Variants in ACKR2 observed in about 807,000 individuals in gnomAD.
ACKR2 encodes C-C chemokine receptor D6.
For synonymous variants in ACKR2, 207 were observed against 192.2 expected (o/e 1.08, Z -0.64); for missense variants, 457 against 477.3 (o/e 0.96, Z 0.40).
intron 2 of ACKR2, among the ~76,000 whole-genome samples, chr3:42,851,826 T>A (rs919286655): frequency 1.3e-5 from 2 of 152,144 alleles, no homozygotes; most frequent in African/African-American, 4.8e-5. Context: ...TAAGGGCCTC[T>A]CTCCCAGGGC....
intron 2 of ACKR2, among the ~76,000 whole-genome samples, chr3:42,863,917 A>AG (rs2088407151): frequency 6.6e-6 from 1 of 151,990 alleles, no homozygotes; most frequent in African/African-American, 2.4e-5. Context: ...TAAATGACAG[A>AG]TTGATGGGTG....
chr3:42,826,911 T>G (rs1353409717), intron 2 of ACKR2, among the ~76,000 whole-genome samples: 1 of 152,164 alleles, frequency 6.6e-6, no homozygotes, highest in African/African-American at 2.4e-5. Context: ...GTTTGGTACA[T>G]TTTATTTTTG....
chr3:42,832,796 C>T (rs951034449), intron 2 of ACKR2, among the ~76,000 whole-genome samples: 5 of 152,078 alleles, frequency 3.3e-5, no homozygotes, highest in Non-Finnish European at 5.9e-5. Context: ...TAGGCTCAAG[C>T]GATTCTCCCA....
At chr3:42,810,069 C>A (rs935806796) in intron 1 of ACKR2, among the ~76,000 whole-genome samples, 6 of 152,138 alleles carry the variant, frequency 3.9e-5, no homozygotes, top group Non-Finnish European at 7.4e-5. Context: ...TGAGCCCCAA[C>A]AGCAGGAAAG....
intron 2 of ACKR2, among the ~76,000 whole-genome samples, chr3:42,859,415 G>T: frequency 6.7e-6 from 1 of 149,766 alleles, no homozygotes; most frequent in Non-Finnish European, 1.5e-5. Flanking sequence ...GTCTCACTCT[G>T]TTGCCCAGGC....
intron 2 of ACKR2, among the ~76,000 whole-genome samples, chr3:42,860,182 A>AAAAAAAAG (rs2088368955): frequency 1.4e-5 from 2 of 144,552 alleles, no homozygotes; most frequent in Non-Finnish European, 3.0e-5. Flanking sequence ...AAAAAAAAAA[A>AAAAAAAAG]AAAAAAAGCA....
At chr3:42,838,164 A>T (rs1312844787) in intron 2 of ACKR2, among the ~76,000 whole-genome samples, 2 of 152,210 alleles carry the variant, frequency 1.3e-5, no homozygotes, top group African/African-American at 4.8e-5. Context: ...CACCAAAAGC[A>T]TAATCCATAA....
Position 42,864,660 on chromosome 3 carries a change from A to T in ACKR2, c.158A>T (p.Tyr53Phe), listed in dbSNP as rs755600354. 1.9e-6 allele frequency: 3 copies of T among 1,614,174 alleles called. No homozygotes were observed. In the South Asian group the frequency reaches 3.3e-5, roughly 18 times the overall value. Reference protein sequence around the residue: ...SFGKVFLPVFYSLIFVLGLSG... With the variant: ...SFGKVFLPVFFSLIFVLGLSG... ...GGCAAAGTCTTCCTCCCAGTCTTCT[A>T]TAGCCTGATTTTTGTGTTGGGCCTC... Residue 53 changes from tyrosine to phenylalanine, a missense_variant, in exon 3 of 3, where the codon TAT becomes TTT. By Grantham distance (22) the Tyr-to-Phe change is conservative. Coordinates refer to ENST00000422265, the MANE Select transcript of ACKR2 (RefSeq NM_001296.5).
At chr3:42,855,768 A>G (rs1049467281) in intron 2 of ACKR2, among the ~76,000 whole-genome samples, 8 of 152,228 alleles carry the variant, frequency 5.3e-5, no homozygotes, top group Non-Finnish European at 1.0e-4. Context: ...TCAGGAGGCT[A>G]AAGACCTCGA....
At position 42,833,600 on chromosome 3, in the gene ACKR2, G is replaced by C. The variant is rs562726474; in HGVS notation, c.-38+13889G>C. On this transcript the variant is annotated intron_variant, in intron 2 of 2. Transcript: ENST00000422265. The stretch of plus-strand genomic sequence containing the variant: ...CTCAGTTCAGACTAGTCACATTTCA[G>C]GTGCTTCATGGCCAAATATGGCTAG... Among the ~76,000 whole-genome samples the C allele has an allele frequency of 4.6e-5, 7 of 152,070 alleles. No homozygotes were observed. The South Asian group carries it at 1.0e-3, about 23-fold the overall frequency.
intron 2 of ACKR2, among the ~76,000 whole-genome samples, chr3:42,827,322 C>T (rs1255938710): frequency 6.6e-6 from 1 of 152,188 alleles, no homozygotes; most frequent in Non-Finnish European, 1.5e-5. Context: ...AATCCATCTC[C>T]CTAAGTAAAA....
intron 2 of ACKR2, among the ~76,000 whole-genome samples, chr3:42,855,146 C>T (rs967074213): frequency 6.6e-6 from 1 of 152,130 alleles, no homozygotes; most frequent in African/African-American, 2.4e-5. Flanking sequence ...CATGAGCCAC[C>T]ACACCCAGCC....
At chr3:42,810,943 C>T (rs1700688774) in intron 1 of ACKR2, among the ~76,000 whole-genome samples, 1 of 152,216 alleles carries the variant, frequency 6.6e-6, no homozygotes, top group Non-Finnish European at 1.5e-5. Flanking sequence ...TCACTGCAGC[C>T]TCCACTTCCC....
rs1453175587 is a variant in ACKR2 at position 42,865,939 on chromosome 3, G to A, written c.*282G>A. On this transcript the variant is annotated 3_prime_UTR_variant, in exon 3 of 3. Coordinates refer to ENST00000422265, the MANE Select transcript of ACKR2 (RefSeq NM_001296.5). ...CCCTCTCTCCCTCCCTCCCTCCCTC[G>A]CTTCTTCCCTTCCTCCTTTCCTCCC... 6 of 245,636 alleles carry A rather than the reference G, an allele frequency of 2.4e-5. No individual in the cohort carries two copies. The highest frequency in any genetic ancestry group is 5.0e-5 in the South Asian group (1 of 20,150). The allele number at this position is 245,636 out of a possible 1,614,324, so 15.2% of individuals were successfully genotyped here. A position where few individuals can be genotyped will look rare whatever the true frequency, so the allele number is the denominator to read the frequency against.
At chr3:42,818,102 C>T (rs1700772175) in intron 1 of ACKR2, among the ~76,000 whole-genome samples, 1 of 152,174 alleles carries the variant, frequency 6.6e-6, no homozygotes, top group South Asian at 2.1e-4. Flanking sequence ...TGCCTGTGTT[C>T]CAGAGCTATC....
chr3:42,843,032 A>G, intron 2 of ACKR2, among the ~76,000 whole-genome samples: 1 of 131,506 alleles, frequency 7.6e-6, no homozygotes, highest in Non-Finnish European at 1.6e-5. Context: ...AGTCATGTCT[A>G]GCTATTTATT....
At chr3:42,822,432 C>T (rs1024292941) in intron 2 of ACKR2, among the ~76,000 whole-genome samples, 1 of 152,208 alleles carries the variant, frequency 6.6e-6, no homozygotes, top group African/African-American at 2.4e-5. Flanking sequence ...TCTTTTGAAA[C>T]ACACTCCCTT....
intron 2 of ACKR2, among the ~76,000 whole-genome samples, chr3:42,821,705 GT>G (rs1005374421): frequency 2.1e-5 from 3 of 146,234 alleles, no homozygotes; most frequent in Admixed American, 6.9e-5. Context: ...ATATGTTTTT[GT>G]TTTTTTTTTA....
chr3:42,812,241 G>A (rs1408162690), intron 1 of ACKR2, among the ~76,000 whole-genome samples: 1 of 152,220 alleles, frequency 6.6e-6, no homozygotes, highest in East Asian at 1.9e-4. Flanking sequence ...TTGGCTAGGA[G>A]TATTGTAATG....
Sources: gnomAD v4.1 joint callset for allele counts (sites outside exome capture counted in the v4.1 genomes callset) on GRCh38, gnomAD v4.1.1 for gene constraint, MANE v1.5 for transcripts, NCBI Gene and HGNC (gene_info 2026-07-23, HGNC 2026-07-21) for gene names.